Variants in DLGAP1 observed in about 807,000 individuals in gnomAD.
The protein encoded by DLGAP1 is disks large-associated protein 1.
DLGAP1 carries 11 observed loss-of-function variants against 90.8 expected under a neutral mutation model. The ratio of observed to expected loss-of-function variants is 0.12; its 90% CI spans 0.08 to 0.20. The LOEUF (loss-of-function observed/expected upper bound fraction) is 0.20. DLGAP1 is among the 10% of genes least tolerant of loss of function. The probability of loss-of-function intolerance (pLI) is 1.00; values close to 1 mark genes in which losing one functional copy is unlikely to be tolerated. For missense variants in DLGAP1, 1,050 were observed against 1,333.8 expected (o/e 0.79, Z 3.31); for synonymous variants, 558 against 540.7 (o/e 1.03, Z -0.44).
chr18:4,297,778 TTCTC>T (rs1467517273), intron 1 of DLGAP1, among the ~76,000 whole-genome samples: 5 of 152,034 alleles, frequency 3.3e-5, no homozygotes, highest in Non-Finnish European at 5.9e-5. Context: ...CTCTCTCTCT[TTCTC>T]TATCTATCAC....
intron 3 of DLGAP1, among the ~76,000 whole-genome samples, chr18:3,882,930 T>C (rs1173486336): frequency 2.0e-5 from 3 of 152,242 alleles, no homozygotes; most frequent in Admixed American, 2.0e-4. Context: ...GAGAGATAGA[T>C]ATGTGGTTTA....
intron 6 of DLGAP1, among the ~76,000 whole-genome samples, chr18:3,740,896 T>C (rs1160314096): frequency 2.5e-4 from 25 of 101,374 alleles, no homozygotes; most frequent in Admixed American, 5.8e-4. Context: ...CAACCACCAC[T>C]GCCACCCATT....
At chr18:4,045,601 TCAAACAAA>T (rs376572609) in intron 2 of DLGAP1, among the ~76,000 whole-genome samples, 1 of 151,480 alleles carries the variant, frequency 6.6e-6, no homozygotes, top group East Asian at 1.9e-4. Flanking sequence ...GACCCTGGTC[TCAAACAAA>T]CAAACAAACA....
chr18:4,033,740 C>CTTTT (rs34275416), intron 2 of DLGAP1, among the ~76,000 whole-genome samples: 1 of 139,902 alleles, frequency 7.1e-6, no homozygotes. Flanking sequence ...AGTTTAGCAA[C>CTTTT]TTTTTTTTTT....
chr18:4,311,805 TC>T lies in DLGAP1; in HGVS notation c.-267+143200del, dbSNP rs1488136883. On this transcript the variant is annotated intron_variant, in intron 1 of 12. Transcript: ENST00000315677. The stretch of plus-strand genomic sequence containing the variant: ...ATCTCGGCTCACTGCAACCTCCACC[TC>T]CCGGGTTCAAGCAATTCTCCTGTCT... Among the ~76,000 whole-genome samples, 7 of 152,240 alleles carry T rather than the reference TC, an allele frequency of 4.6e-5. No individual in the cohort carries two copies. The East Asian group carries it at 1.4e-3, about 29-fold the overall frequency.
Position 3,798,728 on chromosome 18 carries a change from G to A in DLGAP1, c.1172+15331C>T, listed in dbSNP as rs199811686. On this transcript the variant is annotated intron_variant, in intron 5 of 12. Coordinates refer to ENST00000315677, the MANE Select transcript of DLGAP1 (RefSeq NM_004746.4). Reference sequence around the variant, plus strand: ...AGGAGATGCTAAGTATATGCTTACTGTATAGGGCATTCCAGGTGAGGTGCT... The same window carrying A: ...AGGAGATGCTAAGTATATGCTTACTATATAGGGCATTCCAGGTGAGGTGCT... 7.9e-5 allele frequency among the ~76,000 whole-genome samples: 12 copies of A among 152,226 alleles called. No individual in the cohort carries two copies. The East Asian group carries it at 1.9e-3, about 24-fold the overall frequency.
Position 4,454,687 on chromosome 18 carries a change from C to T in DLGAP1, c.-267+319G>A, listed in dbSNP as rs1015066327. Reference sequence around the variant, plus strand: ...GGGACCGGTGTTCTCCTCCCCTCCCCCTTCCGGGACCCTGTCGCAATTAGA... The same window carrying T: ...GGGACCGGTGTTCTCCTCCCCTCCCTCTTCCGGGACCCTGTCGCAATTAGA... On this transcript the variant is annotated intron_variant, in intron 1 of 12. Coordinates refer to ENST00000315677, the MANE Select transcript of DLGAP1 (RefSeq NM_004746.4). This position sits in a 1 kb window ranked among gnomAD's most constrained non-coding sequence, Gnocchi z 4.7. Among the ~76,000 whole-genome samples the T allele has an allele frequency of 6.6e-6, 1 of 152,028 alleles. No individual in the cohort carries two copies. Among genetic ancestry groups the T allele is most frequent in the African/African-American group, 2.4e-5 (1 of 41,430 alleles).
At chr18:3,885,557 A>T (rs1037705864) in intron 3 of DLGAP1, 1 of 152,230 alleles carries the variant, frequency 6.6e-6, no homozygotes, top group Non-Finnish European at 1.5e-5. Context: ...TAATGATAAC[A>T]ATTGCTGGAA....
chr18:3,662,709 A>G (rs1478249787), intron 7 of DLGAP1, among the ~76,000 whole-genome samples: 1 of 152,228 alleles, frequency 6.6e-6, no homozygotes, highest in Non-Finnish European at 1.5e-5. Flanking sequence ...GAATCATTCC[A>G]GAGAGCAGGA....
intron 3 of DLGAP1, among the ~76,000 whole-genome samples, chr18:3,902,019 C>T (rs1395351154): frequency 6.6e-6 from 1 of 152,194 alleles, no homozygotes; most frequent in Non-Finnish European, 1.5e-5. Context: ...TGCATGTCTG[C>T]CTTCCCACTT....
intron 2 of DLGAP1, among the ~76,000 whole-genome samples, chr18:4,057,369 A>G (rs1199255871): frequency 6.6e-6 from 1 of 152,202 alleles, no homozygotes; most frequent in Non-Finnish European, 1.5e-5. Context: ...TTGGTAAGGG[A>G]AAAACACCTC....
At chr18:4,247,024 G>A (rs542063910) in intron 1 of DLGAP1, among the ~76,000 whole-genome samples, 2 of 152,196 alleles carry the variant, frequency 1.3e-5, no homozygotes, top group African/African-American at 2.4e-5. Context: ...AAATGCTTCG[G>A]TTATGTTTGG....
intron 1 of DLGAP1, among the ~76,000 whole-genome samples, chr18:4,241,243 T>C (rs1026053053): frequency 2.6e-5 from 4 of 152,190 alleles, no homozygotes; most frequent in African/African-American, 9.6e-5. Flanking sequence ...CCTGTGGTTC[T>C]TAAAACACTG....
intron 1 of DLGAP1, among the ~76,000 whole-genome samples, chr18:4,254,316 G>T (rs2078842397): frequency 1.3e-5 from 2 of 152,182 alleles, no homozygotes; most frequent in African/African-American, 4.8e-5. Flanking sequence ...GAACTGAAAG[G>T]TTGATTAGAG....
At chr18:3,825,340 T>C (rs911315707) in intron 4 of DLGAP1, among the ~76,000 whole-genome samples, 4 of 152,254 alleles carry the variant, frequency 2.6e-5, no homozygotes, top group Non-Finnish European at 5.9e-5. Flanking sequence ...AGTCATCCTA[T>C]GGTATCTGTG....
chr18:4,296,829 C>T (rs547097540), intron 1 of DLGAP1, among the ~76,000 whole-genome samples: 7 of 152,294 alleles, frequency 4.6e-5, no homozygotes, highest in South Asian at 4.2e-4. Flanking sequence ...AAAGACAGAG[C>T]GGGTGGCATC....
intron 4 of DLGAP1, among the ~76,000 whole-genome samples, chr18:3,841,550 T>C (rs1001863384): frequency 3.3e-5 from 5 of 152,086 alleles, no homozygotes; most frequent in Non-Finnish European, 5.9e-5. Context: ...ACGTGGAAAA[T>C]AGAAAGAACT....
chr18:3,880,208 G>A (rs1351543258), intron 3 of DLGAP1, 68 bp from the exon 4 acceptor site: 3 of 780,196 alleles, frequency 3.8e-6, no homozygotes, highest in Non-Finnish European at 6.2e-6. Context: ...GCACTTTACA[G>A]GGTCTTGCTC....
intron 6 of DLGAP1, among the ~76,000 whole-genome samples, chr18:3,731,388 G>A (rs1010828743): frequency 6.6e-6 from 1 of 152,096 alleles, no homozygotes; most frequent in South Asian, 2.1e-4. Flanking sequence ...TCTGCAACTT[G>A]TTGGTTTTTT....
Sources: allele counts gnomAD v4.1 joint callset (sites outside exome capture counted in the v4.1 genomes callset), GRCh38; gene constraint gnomAD v4.1.1; non-coding constraint Gnocchi (gnomAD v3.1); transcripts MANE v1.5; gene names NCBI Gene and HGNC (gene_info 2026-07-23, HGNC 2026-07-21).